ZBTB7A: variants seen among roughly 807,000 people sequenced by gnomAD.
ZBTB7A encodes zinc finger and BTB domain-containing protein 7A.
ZBTB7A carries 7 observed loss-of-function variants against 26.7 expected under a neutral mutation model. The observed-to-expected ratio is 0.26, with a 90% confidence interval of 0.15 to 0.49. The LOEUF (loss-of-function observed/expected upper bound fraction) is 0.49, where lower values mean the gene tolerates loss of function less well. Ranked by LOEUF, ZBTB7A falls within the 20% of genes least tolerant of loss-of-function variation. The pLI, the probability that ZBTB7A is intolerant of heterozygous loss-of-function variation, is 0.98. For missense variants in ZBTB7A, 617 were observed against 919.5 expected (o/e 0.67, Z 4.25); for synonymous variants, 452 against 441.0 (o/e 1.02, Z -0.31).
At chr19:4,065,657 G>A (rs915510609) in intron 1 of ZBTB7A, 10 of 142,546 alleles carry the variant, frequency 7.0e-5, no homozygotes, top group African/African-American at 2.5e-4. Context: ...CCCGGCCTGC[G>A]CTAGGCCGCG....
At position 4,046,676 on chromosome 19, in the gene ZBTB7A, C is replaced by T. The variant is rs535678408; in HGVS notation, c.*1076G>A. The T allele has an allele frequency of 1.3e-5, 2 of 150,036 alleles. No homozygotes were observed. The highest frequency in any genetic ancestry group is 4.9e-5 in the African/African-American group (2 of 41,006). 9.3% of individuals were successfully genotyped at this position (150,036 alleles called of 1,614,324 possible). A position where few individuals can be genotyped will look rare whatever the true frequency, so the allele number is the denominator to read the frequency against. On this transcript the variant is annotated 3_prime_UTR_variant, in exon 3 of 3. Transcript: ENST00000322357. ...TTTGTGGATTTTCTCTCTCTCCCCC[C>T]ATCCCTGCCATCACCAGACCCTGGG...
At position 4,060,680 on chromosome 19, in the gene ZBTB7A, C is replaced by A. The variant is rs371276387; in HGVS notation, c.-15-5433G>T. On this transcript the variant is annotated intron_variant, in intron 1 of 2. Coordinates refer to ENST00000322357, the MANE Select transcript of ZBTB7A (RefSeq NM_015898.4). ...GCACGGGGAGCATCAGGAACTGAGG[C>A]CTGGAGGTGGGCGACCGGGGAAGGG... is the stretch of plus-strand genomic sequence containing the variant. 3.3e-5 allele frequency among the ~76,000 whole-genome samples: 5 copies of A among 152,272 alleles called. No homozygotes were observed. In the East Asian group the frequency reaches 7.7e-4, roughly 24 times the overall value.
At position 4,047,794 on chromosome 19, in the gene ZBTB7A, G is replaced by A. The variant is rs748176760; in HGVS notation, c.1713C>T (p.Pro571=). 7 of 1,538,638 alleles carry A rather than the reference G, an allele frequency of 4.5e-6. No homozygotes were observed. Among genetic ancestry groups the A allele is most frequent in the Middle Eastern group, 1.7e-4 (1 of 5,730 alleles). ...TGAAGTTACCGTCGGTGGCGGCCCCGGGGCCACCTCCGCTGTCACCTCCTC... is the reference window on the plus strand; with the variant it reads ...TGAAGTTACCGTCGGTGGCGGCCCCAGGGCCACCTCCGCTGTCACCTCCTC... ...AGGGGDSGGG[P]GAATDGNFTA... Residue 571 remains proline (P), a synonymous_variant, in exon 3 of 3, where the codon CCC becomes CCT. Coordinates refer to ENST00000322357, the MANE Select transcript of ZBTB7A (RefSeq NM_015898.4).
At position 4,047,757 on chromosome 19, in the gene ZBTB7A, C is replaced by A; in HGVS notation, c.1750G>T (p.Ala584Ser). 1 of 1,595,322 alleles carries A rather than the reference C, an allele frequency of 6.3e-7. No individual in the cohort carries two copies. Among genetic ancestry groups the A allele is most frequent in the Non-Finnish European group, 8.5e-7 (1 of 1,171,846 alleles). Residue 584 changes from alanine (A) to serine (S), a missense_variant, in exon 3 of 3, where the codon GCC (alanine) becomes TCC (serine). By Grantham distance (99) the Ala-to-Ser change is moderately conservative. This residue lies in a region of ZBTB7A where 136 missense variants were observed against 126.6 expected (regional missense o/e 1.07). Transcript: ENST00000322357. The stretch of plus-strand genomic sequence containing the variant: ...CTGTTTTCTCTTTTTGGTTTTTAGG[C>A]GAGTCCGGCTGTGAAGTTACCGTCG... ...ATDGNFTAGLA is the reference protein window; with the variant it reads ...ATDGNFTAGLS
chr19:4,063,056 G>A (rs2145008701), intron 1 of ZBTB7A, among the ~76,000 whole-genome samples: 1 of 152,250 alleles, frequency 6.6e-6, no homozygotes, highest in Admixed American at 6.5e-5. Flanking sequence ...GTTGCCCAGG[G>A]CTACTGCAGG....
chr19:4,066,683 TCGCGGGGCCGGGCCGGGGCG>T lies in ZBTB7A; in HGVS notation c.-37_-18del, dbSNP rs966307656. 2.7e-5 allele frequency: 4 copies of T among 150,736 alleles called. No individual in the cohort carries two copies. Among genetic ancestry groups the T allele is most frequent in the South Asian group, 1.9e-4 (1 of 5,240 alleles). 9.3% of individuals were successfully genotyped at this position (150,736 alleles called of 1,614,324 possible). On this transcript the variant is annotated splice_region_variant and 5_prime_UTR_variant, in exon 1 of 3. Coordinates refer to ENST00000322357, the MANE Select transcript of ZBTB7A (RefSeq NM_015898.4). ...GGGCCGCGCCGGGCGCTGACTTACC[TCGCGGGGCCGGGCCGGGGCG>T]CGCGGGGCCGGGGCCCGAAGTTGGG...
Position 4,047,658 on chromosome 19 carries a change from T to C in ZBTB7A, c.*94A>G. On this transcript the variant is annotated 3_prime_UTR_variant, in exon 3 of 3. Transcript: ENST00000322357. ...ATAGATATCTGTATATAGATAGATTTTCTTTTTTTGTGTTTTTGGGGGGGT... is the reference window on the plus strand; with the variant it reads ...ATAGATATCTGTATATAGATAGATTCTCTTTTTTTGTGTTTTTGGGGGGGT... 1.5e-6 allele frequency: 2 copies of C among 1,376,886 alleles called. No homozygotes were observed. The highest frequency in any genetic ancestry group is 2.0e-6 in the Non-Finnish European group (2 of 1,022,932). The allele number at this position is 1,376,886 out of a possible 1,614,324, so 85.3% of individuals were successfully genotyped here.
Position 4,046,778 on chromosome 19 carries a change from A to ATC in ZBTB7A, c.*973_*974insGA, listed in dbSNP as rs1359694207. The ATC allele has an allele frequency of 3.4e-5, 5 of 147,216 alleles. No homozygotes were observed. Among genetic ancestry groups the ATC allele is most frequent in the East Asian group, 1.9e-4 (1 of 5,138 alleles). The allele number at this position is 147,216 out of a possible 1,614,324, so 9.1% of individuals were successfully genotyped here. ...GGAAAAGTATATTATTTATATATAT[A>ATC]TATATATCTATATATAAATTTTGTT... On this transcript the variant is annotated 3_prime_UTR_variant, in exon 3 of 3. Coordinates refer to ENST00000322357, the MANE Select transcript of ZBTB7A (RefSeq NM_015898.4).
intron 1 of ZBTB7A, among the ~76,000 whole-genome samples, chr19:4,058,828 C>A (rs1042736770): frequency 6.6e-6 from 1 of 152,184 alleles, no homozygotes; most frequent in Non-Finnish European, 1.5e-5. Flanking sequence ...GACACAGAGG[C>A]CTTTGTGAGC....
intron 1 of ZBTB7A, among the ~76,000 whole-genome samples, chr19:4,057,036 A>G (rs1447855652): frequency 6.7e-6 from 1 of 150,126 alleles, no homozygotes; most frequent in Non-Finnish European, 1.5e-5. Context: ...GAAAAAAAAA[A>G]AAAAAGAAAA....
Position 4,047,759 on chromosome 19 carries a change from A to G in ZBTB7A, c.1748T>C (p.Leu583Pro). ...AATDGNFTAGLA is the reference protein window; with the variant it reads ...AATDGNFTAGPA ...GTTTTCTCTTTTTGGTTTTTAGGCG[A>G]GTCCGGCTGTGAAGTTACCGTCGGT... Residue 583 changes from leucine (L) to proline (P), a missense_variant, in exon 3 of 3, where the codon CTC becomes CCC. Coordinates refer to ENST00000322357, the MANE Select transcript of ZBTB7A (RefSeq NM_015898.4). 6.3e-7 allele frequency: 1 copy of G among 1,596,318 alleles called. No homozygotes were observed. Among genetic ancestry groups the G allele is most frequent in the Non-Finnish European group, 8.5e-7 (1 of 1,172,578 alleles).
rs765404922 is a variant in ZBTB7A at position 4,054,939 on chromosome 19, G to A, written c.294C>T (p.Thr98=). The A allele has an allele frequency of 8.1e-6, 13 of 1,611,746 alleles. No individual in the cohort carries two copies. The highest frequency in any genetic ancestry group is 1.1e-5 in the South Asian group (1 of 91,046). The change falls in exon 2 of 3, where the codon ACC becomes ACT. Residue 98 remains threonine (T), a synonymous_variant. Transcript: ENST00000322357. ...TGTCACCCACGTTGGCTGTGCTGAC[G>A]GTGAGCGTGGCCGTGTAGGCGAAGT... is the stretch of plus-strand genomic sequence containing the variant. ...LMDFAYTATL[T]VSTANVGDIL...
Position 4,047,479 on chromosome 19 carries a change from A to G in ZBTB7A, c.*273T>C. ...AAAAAACCCCAAACCAAGCCCCGAAACCCAGCGATGGGGTGGTGGGGGGAA... is the reference window on the plus strand; with the variant it reads ...AAAAAACCCCAAACCAAGCCCCGAAGCCCAGCGATGGGGTGGTGGGGGGAA... On this transcript the variant is annotated 3_prime_UTR_variant, in exon 3 of 3. Coordinates refer to ENST00000322357, the MANE Select transcript of ZBTB7A (RefSeq NM_015898.4). 1 of 199,496 alleles carries G rather than the reference A, an allele frequency of 5.0e-6. No homozygotes were observed. The highest frequency in any genetic ancestry group is 9.9e-6 in the Non-Finnish European group (1 of 100,620). 12.4% of individuals were successfully genotyped at this position (199,496 alleles called of 1,614,324 possible). A position where few individuals can be genotyped will look rare whatever the true frequency, so the allele number is the denominator to read the frequency against.
chr19:4,046,717 A>T lies in ZBTB7A; in HGVS notation c.*1035T>A, dbSNP rs1157676610. 1 of 146,634 alleles carries T rather than the reference A, an allele frequency of 6.8e-6. No homozygotes were observed. Among genetic ancestry groups the T allele is most frequent in the Non-Finnish European group, 1.5e-5 (1 of 66,918 alleles). 9.1% of individuals were successfully genotyped at this position (146,634 alleles called of 1,614,324 possible). ...AGACCCTGGGGTTCCTCTGATCGTGACTCTGTTTATCCCACACTGTTGCCT... is the reference window on the plus strand; with the variant it reads ...AGACCCTGGGGTTCCTCTGATCGTGTCTCTGTTTATCCCACACTGTTGCCT... On this transcript the variant is annotated 3_prime_UTR_variant, in exon 3 of 3. Transcript: ENST00000322357.
At chr19:4,053,851 G>GT in intron 2 of ZBTB7A, 120 bp downstream of exon 2, 1 of 1,184,336 alleles carries the variant, frequency 8.4e-7, no homozygotes, top group Non-Finnish European at 1.2e-6. Context: ...GCACGTGCGT[G>GT]TATGTGTGCG....
intron 2 of ZBTB7A, among the ~76,000 whole-genome samples, chr19:4,049,680 C>T (rs1049460151): frequency 6.6e-6 from 1 of 152,094 alleles, no homozygotes; most frequent in Non-Finnish European, 1.5e-5. Context: ...GTAACCAAGT[C>T]CCCACCCCAC....
In ZBTB7A at chr19:4,052,487, C is replaced by G. The variant is rs1049985074; in HGVS notation, c.1262+1484G>C. The stretch of plus-strand genomic sequence containing the variant: ...TCCAGGCCGCACCTTCCTCTCCTGG[C>G]CTGCTGGGGAGGGGGCCGGGGTGCT... On this transcript the variant is annotated intron_variant, in intron 2 of 2. Transcript: ENST00000322357. The surrounding 1 kb of genome is among the most constrained non-coding windows in gnomAD (Gnocchi z 4.9). Among the ~76,000 whole-genome samples, 1 of 151,982 alleles carries G rather than the reference C, an allele frequency of 6.6e-6. No homozygotes were observed. The highest frequency in any genetic ancestry group is 2.1e-4 in the South Asian group (1 of 4,826).
intron 2 of ZBTB7A, among the ~76,000 whole-genome samples, chr19:4,051,135 T>C (rs2040500850): frequency 6.8e-6 from 1 of 146,282 alleles, no homozygotes; most frequent in African/African-American, 2.5e-5. Context: ...GTAGGTGTCT[T>C]GCCTATTCCC....
chr19:4,058,994 A>G (rs1035812465), intron 1 of ZBTB7A, among the ~76,000 whole-genome samples: 2 of 152,162 alleles, frequency 1.3e-5, no homozygotes, highest in African/African-American at 4.8e-5. Flanking sequence ...CAGGGAGGGT[A>G]GGAGGGGAGC....
Sources: gnomAD v4.1 joint callset for allele counts (sites outside exome capture counted in the v4.1 genomes callset) on GRCh38, gnomAD v4.1.1 for gene constraint, gnomAD v4.1.1 regional missense constraint, Gnocchi (gnomAD v3.1) non-coding constraint, MANE v1.5 for transcripts, NCBI Gene and HGNC (gene_info 2026-07-23, HGNC 2026-07-21) for gene names.